The following HS3ST3A1 variants were observed in gnomAD, a reference collection of about 807,000 sequenced individuals.
The protein encoded by HS3ST3A1 is heparan sulfate-glucosamine 3-sulfotransferase 3A1.
A neutral mutation model predicts 25.7 loss-of-function variants in HS3ST3A1; 19 were observed. The ratio of observed to expected loss-of-function variants is 0.74; its 90% CI spans 0.52 to 1.08. The LOEUF is 1.08. Ranked by LOEUF, HS3ST3A1 falls within the 50% of genes least tolerant of loss-of-function variation. The pLI is 0.00. For synonymous variants in HS3ST3A1, 226 were observed against 278.6 expected (o/e 0.81, Z 1.88); for missense variants, 459 against 594.3 (o/e 0.77, Z 2.37).
chr17:13,532,629 T>G (rs1021841367), intron 1 of HS3ST3A1, among the ~76,000 whole-genome samples: 1 of 152,002 alleles, frequency 6.6e-6, no homozygotes, highest in African/African-American at 2.4e-5. Flanking sequence ...ATTAGGAGTT[T>G]ACGAGAGAGT....
At chr17:13,500,886 C>T (rs535853576) in intron 1 of HS3ST3A1, among the ~76,000 whole-genome samples, 2 of 152,132 alleles carry the variant, frequency 1.3e-5, no homozygotes, top group South Asian at 4.1e-4. Context: ...TGTGTATTGA[C>T]AGATGAACGG....
At chr17:13,585,222 CAG>C (rs1471531575) in intron 1 of HS3ST3A1, among the ~76,000 whole-genome samples, 3 of 60,590 alleles carry the variant, frequency 5.0e-5, no homozygotes, top group East Asian at 9.5e-4. Context: ...TTTTTTGAGA[CAG>C]AGTCTTGCTC....
At chr17:13,598,689 T>A (rs957302571) in intron 1 of HS3ST3A1, among the ~76,000 whole-genome samples, 20 of 152,082 alleles carry the variant, frequency 1.3e-4, no homozygotes, top group African/African-American at 3.4e-4. Context: ...TTCTTTTTTT[T>A]AAAAAACTAC....
At position 13,507,222 on chromosome 17, in the gene HS3ST3A1, A is replaced by G. The variant is rs1247283301; in HGVS notation, c.600-10404T>C. 3.3e-5 allele frequency among the ~76,000 whole-genome samples: 5 copies of G among 152,192 alleles called. 1 individual carries two copies. The highest frequency in any genetic ancestry group is 2.6e-4 in the Admixed American group (4 of 15,280). On this transcript the variant is annotated intron_variant, in intron 1 of 1. Transcript: ENST00000284110. ...AGCATCATGAAGACAGAAGAAAATG[A>G]ATACATACTGAGCATTTACCACAGA...
At chr17:13,547,113 T>C (rs992863626) in intron 1 of HS3ST3A1, among the ~76,000 whole-genome samples, 2 of 152,188 alleles carry the variant, frequency 1.3e-5, no homozygotes, top group Admixed American at 1.3e-4. Context: ...CAGAGACCCA[T>C]CCATCACTCC....
chr17:13,580,273 G>T (rs1479330798), intron 1 of HS3ST3A1, among the ~76,000 whole-genome samples: 2 of 151,894 alleles, frequency 1.3e-5, no homozygotes, highest in South Asian at 2.1e-4. Flanking sequence ...AATAACAATG[G>T]TAACACAGTT....
intron 1 of HS3ST3A1, among the ~76,000 whole-genome samples, chr17:13,578,377 C>T (rs1424744533): frequency 4.2e-5 from 6 of 141,766 alleles, no homozygotes; most frequent in African/African-American, 1.3e-4. Flanking sequence ...GTGAAATCCC[C>T]GTCTCTACAA....
At chr17:13,598,261 G>A (rs1197948409) in intron 1 of HS3ST3A1, among the ~76,000 whole-genome samples, 1 of 152,058 alleles carries the variant, frequency 6.6e-6, no homozygotes, top group Non-Finnish European at 1.5e-5. Context: ...TTCTGGGTGG[G>A]AGATTTTTTT....
chr17:13,549,010 C>A (rs942098934), intron 1 of HS3ST3A1, among the ~76,000 whole-genome samples: 1 of 152,202 alleles, frequency 6.6e-6, no homozygotes, highest in Non-Finnish European at 1.5e-5. Flanking sequence ...CGATCTGCTC[C>A]GGTCCCTTGC....
intron 1 of HS3ST3A1, among the ~76,000 whole-genome samples, chr17:13,528,363 C>A (rs995522212): frequency 6.6e-6 from 1 of 152,192 alleles, no homozygotes; most frequent in African/African-American, 2.4e-5. Context: ...GTGTGGGCAG[C>A]CGACAGGTTT....
chr17:13,527,929 C>G (rs570995511), intron 1 of HS3ST3A1, among the ~76,000 whole-genome samples: 1 of 152,152 alleles, frequency 6.6e-6, no homozygotes, highest in Admixed American at 6.5e-5. Context: ...TGACCTACTG[C>G]AGATATCACG....
chr17:13,557,804 G>A (rs1209708348), intron 1 of HS3ST3A1, among the ~76,000 whole-genome samples: 1 of 152,198 alleles, frequency 6.6e-6, no homozygotes, highest in African/African-American at 2.4e-5. Flanking sequence ...GCTCCACAAT[G>A]TAGGTCATTG....
chr17:13,544,004 G>A (rs1174780828), intron 1 of HS3ST3A1, among the ~76,000 whole-genome samples: 2 of 152,096 alleles, frequency 1.3e-5, no homozygotes, highest in Non-Finnish European at 2.9e-5. Flanking sequence ...TAAAAAGAAA[G>A]TACAGTTTTT....
intron 1 of HS3ST3A1, among the ~76,000 whole-genome samples, chr17:13,509,687 G>A (rs1204760893): frequency 6.6e-6 from 1 of 152,160 alleles, no homozygotes. Context: ...CCAGAGATAG[G>A]AAAGTGCAAG....
intron 1 of HS3ST3A1, among the ~76,000 whole-genome samples, chr17:13,523,174 A>AT (rs1304835060): frequency 6.6e-6 from 1 of 152,106 alleles, no homozygotes; most frequent in Non-Finnish European, 1.5e-5. Context: ...AGCTTTCTCT[A>AT]TTTTTTTCTT....
chr17:13,538,501 T>C (rs1906834511), intron 1 of HS3ST3A1, among the ~76,000 whole-genome samples: 1 of 152,216 alleles, frequency 6.6e-6, no homozygotes, highest in Admixed American at 6.5e-5. Context: ...CCCTGGGGTA[T>C]TGAATTCTTT....
chr17:13,576,643 G>A (rs1241772854), intron 1 of HS3ST3A1, among the ~76,000 whole-genome samples: 1 of 152,202 alleles, frequency 6.6e-6, no homozygotes, highest in Non-Finnish European at 1.5e-5. Flanking sequence ...GACATATCTG[G>A]AAGATCACCA....
chr17:13,508,750 T>A (rs1905767356), intron 1 of HS3ST3A1, among the ~76,000 whole-genome samples: 1 of 152,176 alleles, frequency 6.6e-6, no homozygotes, highest in South Asian at 2.1e-4. Context: ...TCAAATAATA[T>A]CCAAAGAAAT....
intron 1 of HS3ST3A1, among the ~76,000 whole-genome samples, chr17:13,497,386 A>G (rs1200537013): frequency 6.6e-6 from 1 of 152,222 alleles, no homozygotes; most frequent in Non-Finnish European, 1.5e-5. Flanking sequence ...TTGAAATGCC[A>G]TCATTATCAT....
Sources: gnomAD v4.1 joint callset for allele counts (sites outside exome capture counted in the v4.1 genomes callset) on GRCh38, gnomAD v4.1.1 for gene constraint, MANE v1.5 for transcripts, NCBI Gene and HGNC (gene_info 2026-07-23, HGNC 2026-07-21) for gene names.